Variants in SCN9A observed in about 807,000 individuals in gnomAD.
SCN9A encodes sodium channel protein type 9 subunit alpha.
In SCN9A, 131 loss-of-function variants were observed where a neutral mutation model predicts 187.0. The observed-to-expected ratio is 0.70, with a 90% CI of 0.61 to 0.81. The LOEUF is 0.81. SCN9A is among the 30% of genes least tolerant of loss of function. The pLI is 0.00. For synonymous variants in SCN9A, 809 were observed against 808.6 expected (o/e 1.00, Z -0.01); for missense variants, 2,252 against 2,396.6 (o/e 0.94, Z 1.26).
At chr2:166,299,772 C>A (rs1027538447) in intron 7 of SCN9A, among the ~76,000 whole-genome samples, 4 of 150,782 alleles carry the variant, frequency 2.7e-5, no homozygotes, top group Non-Finnish European at 4.4e-5. Context: ...CTTAAATCTC[C>A]AATTCTCTAT....
intron 20 of SCN9A, among the ~76,000 whole-genome samples, chr2:166,234,751 T>C: frequency 6.6e-6 from 1 of 150,602 alleles, no homozygotes; most frequent in Non-Finnish European, 1.5e-5. Context: ...AATCAGAAAA[T>C]TTTTTTTTTA....
chr2:166,198,504 C>CCAT lies in SCN9A; in HGVS notation c.*165_*167dup, dbSNP rs886055049. On this transcript the variant is annotated 3_prime_UTR_variant, in exon 27 of 27. Coordinates refer to ENST00000642356, the MANE Select transcript of SCN9A (RefSeq NM_001365536.1). ...TAAAGAATCATCAGTGCAAAAATAA[C>CCAT]CATCTGCTAATGCTGCCCACCTTTC... is the stretch of plus-strand genomic sequence containing the variant. 177 of 580,816 alleles carry CCAT rather than the reference C, an allele frequency of 3.0e-4. No individual in the cohort carries two copies. In the Middle Eastern group the frequency reaches 3.1e-3, roughly 10 times the overall value. 36.0% of individuals were successfully genotyped at this position (580,816 alleles called of 1,614,324 possible).
At position 166,204,235 on chromosome 2, in the gene SCN9A, A is replaced by G; in HGVS notation, c.4504-10T>C. On this transcript the variant is annotated splice_polypyrimidine_tract_variant and intron_variant, in intron 25 of 26. Coordinates refer to ENST00000642356, the MANE Select transcript of SCN9A (RefSeq NM_001365536.1). ...ATCCTTGGATTTTGTTCTGCAAAGA[A>G]ATAAGAATAATATCGAATGCAGAGT... 6.2e-7 allele frequency: 1 copy of G among 1,605,736 alleles called. No individual in the cohort carries two copies. Among genetic ancestry groups the G allele is most frequent in the Non-Finnish European group, 8.5e-7 (1 of 1,175,916 alleles).
Position 166,311,552 on chromosome 2 carries a change from C to T in SCN9A, c.205G>A (p.Gly69Ser), listed in dbSNP as rs201243874. The change falls in exon 2 of 27, where the codon GGC (glycine) becomes AGC (serine). Residue 69 changes from glycine to serine, a missense_variant. Gly to Ser is a moderately conservative substitution (Grantham distance 56). Transcript: ENST00000642356. ...TCCTCCAGGGGCTCTGACACCATGC[C>T]GGGAGGAATGTCCCCATAGATGAAG... Reference protein sequence around the residue: ...LPFIYGDIPPGMVSEPLEDLD... With the variant: ...LPFIYGDIPPSMVSEPLEDLD... 212 of 1,612,448 alleles carry T rather than the reference C, an allele frequency of 1.3e-4. No homozygotes were observed. Among genetic ancestry groups the T allele is most frequent in the Non-Finnish European group, 1.7e-4 (199 of 1,179,400 alleles).
chr2:166,320,569 A>G (rs552710847), intron 1 of SCN9A, among the ~76,000 whole-genome samples: 1 of 152,316 alleles, frequency 6.6e-6, no homozygotes, highest in South Asian at 2.1e-4. Flanking sequence ...GCTTAGATGA[A>G]TACTGAACAC....
At chr2:166,263,110 A>G (rs768650820) in intron 17 of SCN9A, among the ~76,000 whole-genome samples, 4 of 151,960 alleles carry the variant, frequency 2.6e-5, no homozygotes, top group South Asian at 4.1e-4. Context: ...CCTGCATCCA[A>G]TGAATGGTGT....
intron 2 of SCN9A, among the ~76,000 whole-genome samples, chr2:166,309,184 C>T (rs1018186538): frequency 4.6e-5 from 7 of 151,748 alleles, no homozygotes; most frequent in African/African-American, 9.7e-5. Context: ...CTTTATAAAC[C>T]GGAGGTCATC....
At chr2:166,243,530 C>T (rs1348758150) in intron 18 of SCN9A, among the ~76,000 whole-genome samples, 2 of 151,896 alleles carry the variant, frequency 1.3e-5, no homozygotes, top group African/African-American at 4.8e-5. Flanking sequence ...TAGAGGCTTC[C>T]TAGAAGAGAT....
intron 1 of SCN9A, among the ~76,000 whole-genome samples, chr2:166,372,081 A>AGT (rs138962140): frequency 0.24 from 36,004 of 150,380 alleles, 7,512 homozygotes; most frequent in African/African-American, 0.57. Flanking sequence ...CACCATACAA[A>AGT]GTGTGTGTGT....
chr2:166,204,208 A>T lies in SCN9A; in HGVS notation c.4521T>A (p.Cys1507Ter), dbSNP rs1553474257. 6.2e-7 allele frequency: 1 copy of T among 1,611,324 alleles called. No homozygotes were observed. ...CTTGATTTGTCACTAGGTCAAATATACATCCTTGGATTTTGTTCTGCAAAG... is the reference window on the plus strand; with the variant it reads ...CTTGATTTGTCACTAGGTCAAATATTCATCCTTGGATTTTGTTCTGCAAAG... ...IPRPGNKIQG[C>*]IFDLVTNQAF... Residue 1507 changes from cysteine (C) to a stop codon, truncating the protein, a stop_gained, in exon 26 of 27, where the codon TGT becomes TGA. Coordinates refer to ENST00000642356, the MANE Select transcript of SCN9A (RefSeq NM_001365536.1). LOFTEE classifies it high-confidence loss of function.
chr2:166,305,819 C>A lies in SCN9A; in HGVS notation c.569G>T (p.Trp190Leu), dbSNP rs1698735888. The A allele has an allele frequency of 6.2e-7, 1 of 1,613,186 alleles. No individual in the cohort carries two copies. The highest frequency in any genetic ancestry group is 1.3e-5 in the African/African-American group (1 of 74,822). Residue 190 changes from tryptophan (W) to leucine (L), a missense_variant, in exon 5 of 27, where the codon TGG becomes TTG. Transcript: ENST00000642356. Reference protein sequence around the residue: ...EFTFLRDPWNWLDFVVIVFAY... With the variant: ...EFTFLRDPWNLLDFVVIVFAY... ...AAAAACAATGACGACAAAATCCAGCCAGTTCCACGGGTCACGAAGAAAAGT... is the reference window on the plus strand; with the variant it reads ...AAAAACAATGACGACAAAATCCAGCAAGTTCCACGGGTCACGAAGAAAAGT...
intron 12 of SCN9A, among the ~76,000 whole-genome samples, chr2:166,283,198 C>T (rs751826667): frequency 9.2e-5 from 14 of 152,026 alleles, no homozygotes; most frequent in Non-Finnish European, 1.8e-4. Context: ...CACATAATTG[C>T]AAAACAAAAT....
intron 24 of SCN9A, among the ~76,000 whole-genome samples, chr2:166,216,156 T>A (rs2106366908): frequency 6.6e-6 from 1 of 152,106 alleles, no homozygotes; most frequent in South Asian, 2.1e-4. Flanking sequence ...TCTTACTAGA[T>A]GCAGACAAAG....
intron 1 of SCN9A, among the ~76,000 whole-genome samples, chr2:166,367,644 C>T (rs537128261): frequency 5.3e-5 from 8 of 152,296 alleles, no homozygotes; most frequent in African/African-American, 1.9e-4. Context: ...TTGGGGAAGG[C>T]CTTTTTCCCA....
intron 1 of SCN9A, among the ~76,000 whole-genome samples, chr2:166,340,909 C>T (rs868659022): frequency 2.0e-5 from 3 of 152,180 alleles, no homozygotes; most frequent in South Asian, 2.1e-4. Context: ...AGGCATGAGC[C>T]GTCCTGCCTG....
intron 1 of SCN9A, among the ~76,000 whole-genome samples, chr2:166,366,408 T>C (rs192906198): frequency 6.6e-6 from 1 of 152,338 alleles, no homozygotes; most frequent in Admixed American, 6.5e-5. Context: ...CACATTTTCT[T>C]TACTCTTTTA....
At chr2:166,328,355 C>G (rs977025958) in intron 1 of SCN9A, among the ~76,000 whole-genome samples, 1 of 152,014 alleles carries the variant, frequency 6.6e-6, no homozygotes, top group East Asian at 1.9e-4. Context: ...TTTCATCACC[C>G]AGGTATTAGA....
chr2:166,244,045 C>A (rs1006533500), intron 18 of SCN9A, among the ~76,000 whole-genome samples: 11 of 151,936 alleles, frequency 7.2e-5, no homozygotes, highest in African/African-American at 2.7e-4. Flanking sequence ...AAGGAAGGAT[C>A]CCAGGACTAC....
intron 14 of SCN9A, among the ~76,000 whole-genome samples, chr2:166,279,840 T>A (rs1574856031): frequency 6.6e-6 from 1 of 151,950 alleles, no homozygotes; most frequent in Non-Finnish European, 1.5e-5. Flanking sequence ...TATTATTTTA[T>A]AAATGATAAA....
Sources: allele counts gnomAD v4.1 joint callset (sites outside exome capture counted in the v4.1 genomes callset), GRCh38; gene constraint gnomAD v4.1.1; transcripts MANE v1.5; gene names NCBI Gene and HGNC (gene_info 2026-07-23, HGNC 2026-07-21).